Variants in BTG4 observed in about 807,000 individuals in gnomAD.
BTG4 encodes BTG anti-proliferation factor 4, also known as protein BTG4.
A neutral mutation model predicts 19.3 loss-of-function variants in BTG4; 10 were observed. The observed-to-expected ratio is 0.52, with a 90% CI of 0.32 to 0.88. The LOEUF is 0.88. Ranked by LOEUF, BTG4 falls within the 40% of genes least tolerant of loss-of-function variation. The pLI is 0.04. For synonymous variants in BTG4, 91 were observed against 95.7 expected, an observed-to-expected ratio of 0.95 and a Z score of 0.29; for missense variants, 238 against 281.9, an observed-to-expected ratio of 0.84 and a Z score of 1.11.
chr11:111,404,229 C>T, the BTG4 span, among the ~76,000 whole-genome samples: 3 of 152,196 alleles, frequency 2.0e-5, no homozygotes, highest in African/African-American at 7.2e-5. Context: ...GCCTCCCCAG[C>T]CACATGGAAC....
At position 111,497,314 on chromosome 11, in the gene BTG4, C is replaced by T. The variant is rs377052103; in HGVS notation, c.407G>A (p.Arg136Lys). 49 of 1,603,924 alleles carry T rather than the reference C, an allele frequency of 3.1e-5. No homozygotes were observed. Among genetic ancestry groups the T allele is most frequent in the Non-Finnish European group, 4.0e-5 (47 of 1,176,826 alleles). ...GCCAGAGGAAACGTCTGATGAGGCT[C>T]TACTAACGGCATAACTGATTTGTTG... is the stretch of plus-strand genomic sequence containing the variant. Reference protein sequence around the residue: ...LYQQISYAVSRASSDVSSGTS... With the variant: ...LYQQISYAVSKASSDVSSGTS... The change falls in exon 4 of 5, where the codon AGA becomes AAA. Residue 136 changes from arginine (R) to lysine (K), a missense_variant. Transcript: ENST00000692032.
At chr11:111,444,541 C>A in the BTG4 span, among the ~76,000 whole-genome samples, 1 of 152,064 alleles carries the variant, frequency 6.6e-6, no homozygotes, top group Non-Finnish European at 1.5e-5. Flanking sequence ...TATTTGATAG[C>A]ACAACAGGGT....
At chr11:111,395,317 C>G in the BTG4 span, among the ~76,000 whole-genome samples, 1 of 152,226 alleles carries the variant, frequency 6.6e-6, no homozygotes, top group Non-Finnish European at 1.5e-5. Context: ...CCGCAGGCCC[C>G]CTCAGGCAGC....
chr11:111,426,233 C>G, the BTG4 span, among the ~76,000 whole-genome samples: 1 of 150,950 alleles, frequency 6.6e-6, no homozygotes, highest in Non-Finnish European at 1.5e-5. Flanking sequence ...TGAGAATTGC[C>G]AAGAAACCAT....
At chr11:111,514,069 A>G (rs1241086399), upstream of BTG4, 1 of 152,928 alleles carries the variant, frequency 6.5e-6, no homozygotes, top group Non-Finnish European at 1.5e-5. Context: ...TACTTTTATA[A>G]GAAATACATT....
At chr11:111,419,999 C>T in the BTG4 span, among the ~76,000 whole-genome samples, 117 of 152,282 alleles carry the variant, frequency 7.7e-4, no homozygotes, top group African/African-American at 2.8e-3. Flanking sequence ...GCTGACTCAG[C>T]ACCAGGCACC....
At chr11:111,420,320 T>A in the BTG4 span, among the ~76,000 whole-genome samples, 1 of 152,188 alleles carries the variant, frequency 6.6e-6, no homozygotes, top group African/African-American at 2.4e-5. Context: ...GGTAGACCAA[T>A]CTGAGCAGCC....
the BTG4 span, among the ~76,000 whole-genome samples, chr11:111,384,125 A>G: frequency 7.9e-5 from 12 of 152,334 alleles, no homozygotes; most frequent in South Asian, 6.2e-4. Flanking sequence ...TTTGTTGGTT[A>G]TCATAGTCTT....
chr11:111,417,872 G>A, the BTG4 span: 1 of 152,144 alleles, frequency 6.6e-6, no homozygotes, highest in African/African-American at 2.4e-5. Flanking sequence ...TTGGGGCATG[G>A]CGTCTATTTT....
the BTG4 span, chr11:111,455,878 G>A: frequency 6.7e-6 from 3 of 450,646 alleles, no homozygotes; most frequent in South Asian, 4.7e-5. Flanking sequence ...ACTGAGGCCA[G>A]GTGAGCTTTG....
the BTG4 span, among the ~76,000 whole-genome samples, chr11:111,409,103 G>T: frequency 6.6e-6 from 1 of 152,286 alleles, no homozygotes; most frequent in African/African-American, 2.4e-5. Flanking sequence ...AGATGTTTGT[G>T]GTTACAGAAA....
the BTG4 span, among the ~76,000 whole-genome samples, chr11:111,439,419 G>A: frequency 1.3e-5 from 2 of 152,068 alleles, no homozygotes; most frequent in African/African-American, 4.8e-5. Flanking sequence ...CAGCACAGCC[G>A]CAGATGGAGC....
chr11:111,438,767 C>A, the BTG4 span, among the ~76,000 whole-genome samples: 1 of 152,174 alleles, frequency 6.6e-6, no homozygotes. Context: ...CATACATTAC[C>A]CTAAGCTTCA....
chr11:111,439,458 A>G, the BTG4 span, among the ~76,000 whole-genome samples: 1 of 151,936 alleles, frequency 6.6e-6, no homozygotes, highest in African/African-American at 2.4e-5. Context: ...AAGGACTGCT[A>G]CAACCCTTGG....
chr11:111,471,552 C>A (rs1028495792), intron 5 of BTG4, among the ~76,000 whole-genome samples: 1 of 152,152 alleles, frequency 6.6e-6, no homozygotes, highest in African/African-American at 2.4e-5. Flanking sequence ...ATTGTTCCTT[C>A]TCAGTCTTCT....
chr11:111,441,374 G>A, the BTG4 span, among the ~76,000 whole-genome samples: 1 of 152,050 alleles, frequency 6.6e-6, no homozygotes, highest in East Asian at 1.9e-4. Flanking sequence ...CATCAGCAGC[G>A]GCTCCTCCGA....
chr11:111,432,922 G>A, the BTG4 span, among the ~76,000 whole-genome samples: 1 of 151,800 alleles, frequency 6.6e-6, no homozygotes, highest in Non-Finnish European at 1.5e-5. Flanking sequence ...AAACTCCTGA[G>A]CTCAAGCAAT....
At chr11:111,453,679 C>CAG in the BTG4 span, 1 of 365,852 alleles carries the variant, frequency 2.7e-6, no homozygotes, top group Non-Finnish European at 5.4e-6. Context: ...GCTCAATTCT[C>CAG]AATTCCTCTT....
chr11:111,434,810 C>G, the BTG4 span, among the ~76,000 whole-genome samples: 2 of 152,130 alleles, frequency 1.3e-5, no homozygotes, highest in Non-Finnish European at 2.9e-5. Context: ...GACCACCCAT[C>G]CAGGAAGAAA....
Sources: gnomAD v4.1 joint callset for allele counts (sites outside exome capture counted in the v4.1 genomes callset) on GRCh38, gnomAD v4.1.1 for gene constraint, MANE v1.5 for transcripts, NCBI Gene and HGNC (gene_info 2026-07-23, HGNC 2026-07-21) for gene names.